HS6ST2: variants seen among roughly 807,000 people sequenced by gnomAD.
The protein encoded by HS6ST2 is heparan-sulfate 6-O-sulfotransferase 2.
Under a neutral mutation model 33.0 loss-of-function variants are expected in HS6ST2, and 17 were observed. That is an observed-to-expected ratio of 0.52 (90% CI 0.35 to 0.77). The LOEUF is 0.77. HS6ST2 is among the 30% of genes least tolerant of loss of function. HS6ST2 has a pLI of 0.01. For missense variants in HS6ST2, 519 were observed against 551.7 expected (o/e 0.94, Z 0.59); for synonymous variants, 248 against 237.1 (o/e 1.05, Z -0.42).
intron 2 of HS6ST2, among the ~76,000 whole-genome samples, chrX:132,791,130 G>A (rs907586346): frequency 9.0e-6 from 1 of 111,065 alleles, no homozygotes; most frequent in Non-Finnish European, 1.9e-5. Context: ...CTGGGTGATA[G>A]AGCAAGACTC....
At chrX:132,670,109 T>TG (rs1366122253) in intron 3 of HS6ST2, among the ~76,000 whole-genome samples, 9 of 111,574 alleles carry the variant, frequency 8.1e-5, no homozygotes, top group African/African-American at 2.9e-4. Context: ...TTTTTTTTTT[T>TG]TTGTTAGTAA....
At chrX:132,798,364 G>A (rs1282900139) in intron 2 of HS6ST2, among the ~76,000 whole-genome samples, 4 of 111,379 alleles carry the variant, frequency 3.6e-5, no homozygotes, top group Non-Finnish European at 7.5e-5. Context: ...GGGTCACTCA[G>A]CAGAATAGCC....
intron 2 of HS6ST2, among the ~76,000 whole-genome samples, chrX:132,908,811 T>C (rs2066500995): frequency 9.1e-6 from 1 of 110,464 alleles, no homozygotes; most frequent in Non-Finnish European, 1.9e-5. Context: ...GTTTTGGATG[T>C]ACAACTTCGT....
intron 2 of HS6ST2, among the ~76,000 whole-genome samples, chrX:132,824,314 T>A (rs2065494788): frequency 8.9e-6 from 1 of 112,066 alleles, no homozygotes; most frequent in Non-Finnish European, 1.9e-5. Context: ...TGCATAAGCA[T>A]GACAAGCACC....
chrX:132,802,511 A>G (rs2065243810), intron 2 of HS6ST2, among the ~76,000 whole-genome samples: 1 of 111,448 alleles, frequency 9.0e-6, no homozygotes, highest in South Asian at 3.8e-4. Flanking sequence ...AGGAAAATAC[A>G]TCTTCATTCC....
At chrX:132,818,154 C>T (rs891423938) in intron 2 of HS6ST2, among the ~76,000 whole-genome samples, 1 of 110,580 alleles carries the variant, frequency 9.0e-6, no homozygotes, top group Admixed American at 9.6e-5. Context: ...TCCTAATACA[C>T]GTGTGCCCCA....
intron 2 of HS6ST2, among the ~76,000 whole-genome samples, chrX:132,867,228 T>C (rs1379543364): frequency 3.8e-4 from 41 of 107,362 alleles, no homozygotes; most frequent in African/African-American, 1.3e-3. Flanking sequence ...TCTGCATCTA[T>C]TGAGATAATC....
chrX:132,786,298 C>T (rs1276730116), intron 2 of HS6ST2, among the ~76,000 whole-genome samples: 1 of 111,687 alleles, frequency 9.0e-6, no homozygotes, highest in African/African-American at 3.3e-5. Context: ...AGTTGAAGCA[C>T]CAGCTTATGG....
intron 2 of HS6ST2, among the ~76,000 whole-genome samples, chrX:132,853,317 CTTT>C (rs57523861): frequency 2.0e-3 from 190 of 94,120 alleles, no homozygotes; most frequent in African/African-American, 6.6e-3. Context: ...GGGTGCCTGG[CTTT>C]TTTTTTTTTT....
intron 2 of HS6ST2, among the ~76,000 whole-genome samples, chrX:132,805,536 C>A (rs1602696933): frequency 1.8e-5 from 2 of 109,115 alleles, no homozygotes; most frequent in Admixed American, 2.0e-4. Flanking sequence ...ATCTGCATAG[C>A]CCGGCTAAAC....
At chrX:132,839,596 G>A (rs1260077159) in intron 2 of HS6ST2, among the ~76,000 whole-genome samples, 1 of 109,682 alleles carries the variant, frequency 9.1e-6, no homozygotes, top group African/African-American at 3.3e-5. Flanking sequence ...AATAGATACA[G>A]TGTACATCAT....
At chrX:132,918,174 A>G (rs946839904) in intron 2 of HS6ST2, among the ~76,000 whole-genome samples, 1 of 112,670 alleles carries the variant, frequency 8.9e-6, no homozygotes, top group African/African-American at 3.2e-5. Context: ...GGAGCCCCCA[A>G]GCAACCTTAG....
chrX:132,663,919 G>A (rs2063792478), intron 4 of HS6ST2, among the ~76,000 whole-genome samples: 1 of 112,753 alleles, frequency 8.9e-6, no homozygotes, highest in Non-Finnish European at 1.9e-5. Context: ...TCTGGTGCCA[G>A]CAATGGACAT....
intron 2 of HS6ST2, among the ~76,000 whole-genome samples, chrX:132,902,102 AT>A (rs772438138): frequency 0.013 from 1,251 of 95,792 alleles, 8 homozygotes; most frequent in African/African-American, 0.031. Context: ...CATATCACTC[AT>A]TTTTTTTTTT....
intron 2 of HS6ST2, among the ~76,000 whole-genome samples, chrX:132,861,107 G>C (rs185580803): frequency 1.4e-4 from 16 of 111,025 alleles, no homozygotes; most frequent in Non-Finnish European, 2.6e-4. Flanking sequence ...TGTATCTTTC[G>C]ACAGGATTGA....
chrX:132,948,388 TAAC>T (rs1032613994), intron 2 of HS6ST2, among the ~76,000 whole-genome samples: 2 of 112,514 alleles, frequency 1.8e-5, no homozygotes, highest in African/African-American at 6.4e-5. Context: ...TATCATAGGA[TAAC>T]AAGTTCGAAA....
intron 2 of HS6ST2, among the ~76,000 whole-genome samples, chrX:132,903,110 T>C (rs1188827813): frequency 8.9e-6 from 1 of 111,934 alleles, no homozygotes; most frequent in East Asian, 2.8e-4. Context: ...GCAGGATACA[T>C]GACCAATATC....
intron 4 of HS6ST2, among the ~76,000 whole-genome samples, chrX:132,642,805 T>G (rs1421458247): frequency 1.8e-5 from 2 of 112,187 alleles, no homozygotes; most frequent in Non-Finnish European, 3.8e-5. Context: ...CAGAAGGAAT[T>G]ATTTTGAAGG....
chrX:132,775,891 T>C (rs1371067492), intron 2 of HS6ST2, among the ~76,000 whole-genome samples: 1 of 111,782 alleles, frequency 8.9e-6, no homozygotes, highest in Non-Finnish European at 1.9e-5. Flanking sequence ...GCTCATGTTT[T>C]GCAGCCATTT....
Sources: gnomAD v4.1 joint callset for allele counts (sites outside exome capture counted in the v4.1 genomes callset) on GRCh38, gnomAD v4.1.1 for gene constraint, MANE v1.5 for transcripts, NCBI Gene and HGNC (gene_info 2026-07-23, HGNC 2026-07-21) for gene names.